TNNI3K: variants seen among roughly 807,000 people sequenced by gnomAD.
TNNI3K encodes serine/threonine-protein kinase TNNI3K.
TNNI3K carries 140 observed loss-of-function variants against 114.5 expected under a neutral mutation model. That is an observed-to-expected ratio of 1.22 (90% CI 1.07 to 1.41). The LOEUF (loss-of-function observed/expected upper bound fraction) is 1.41, where lower values mean the gene tolerates loss of function less well. Ranked by LOEUF, TNNI3K falls within the 40% of genes most tolerant of loss-of-function variation. The pLI is 0.00. For missense variants in TNNI3K, 1,125 were observed against 1,007.6 expected (o/e 1.12, Z -1.58); for synonymous variants, 347 against 347.5 (o/e 1.00, Z 0.02).
At chr1:74,496,396 G>A (rs1043677229) in intron 23 of TNNI3K, among the ~76,000 whole-genome samples, 4 of 152,124 alleles carry the variant, frequency 2.6e-5, no homozygotes, top group Non-Finnish European at 5.9e-5. Flanking sequence ...GAGTTAAAAT[G>A]TAATTTTTTA....
intron 23 of TNNI3K, among the ~76,000 whole-genome samples, chr1:74,507,116 A>G (rs1294275648): frequency 6.6e-6 from 1 of 152,130 alleles, no homozygotes; most frequent in Non-Finnish European, 1.5e-5. Context: ...AGATCCCTGT[A>G]TTATTCATTA....
chr1:74,299,280 T>C (rs887992866), intron 5 of TNNI3K, among the ~76,000 whole-genome samples: 56 of 152,262 alleles, frequency 3.7e-4, no homozygotes, highest in African/African-American at 1.3e-3. Flanking sequence ...TGACAGAACA[T>C]TGAAGTTTAT....
chr1:74,503,055 G>C (rs1669715788), intron 23 of TNNI3K, among the ~76,000 whole-genome samples: 1 of 152,202 alleles, frequency 6.6e-6, no homozygotes, highest in South Asian at 2.1e-4. Context: ...TGTAAAATTA[G>C]GCTCTTCTTT....
intron 4 of TNNI3K, among the ~76,000 whole-genome samples, chr1:74,260,057 T>C (rs576464007): frequency 1.3e-5 from 2 of 152,366 alleles, no homozygotes; most frequent in South Asian, 4.1e-4. Context: ...TAAATATTTT[T>C]TAATTTCTTT....
At chr1:74,531,372 A>G (rs1360434487) in intron 23 of TNNI3K, among the ~76,000 whole-genome samples, 1 of 152,252 alleles carries the variant, frequency 6.6e-6, no homozygotes, top group Admixed American at 6.5e-5. Flanking sequence ...ATGGCCATTC[A>G]TAAGAGTCTG....
intron 17 of TNNI3K, among the ~76,000 whole-genome samples, chr1:74,406,376 G>A (rs1664613013): frequency 6.6e-6 from 1 of 152,028 alleles, no homozygotes; most frequent in Non-Finnish European, 1.5e-5. Context: ...TTTTATATGT[G>A]GCCCAAGACA....
chr1:74,544,160 A>C lies in TNNI3K; in HGVS notation c.*178A>C, dbSNP rs1050117672. 1 of 587,782 alleles carries C rather than the reference A, an allele frequency of 1.7e-6. No homozygotes were observed. The highest frequency in any genetic ancestry group is 2.8e-6 in the Non-Finnish European group (1 of 354,696). 36.4% of individuals were successfully genotyped at this position (587,782 alleles called of 1,614,324 possible). ...TTAGCAGGCTTTGGATTTGTGCCTA[A>C]GGAATAATATGCAAAAGAACCAAGA... On this transcript the variant is annotated 3_prime_UTR_variant, in exon 25 of 25. Coordinates refer to ENST00000326637, the MANE Select transcript of TNNI3K (RefSeq NM_015978.3).
intron 5 of TNNI3K, among the ~76,000 whole-genome samples, chr1:74,329,662 A>G (rs1660095477): frequency 6.6e-6 from 1 of 152,118 alleles, no homozygotes; most frequent in Non-Finnish European, 1.5e-5. Flanking sequence ...TAACTATTTC[A>G]AACTATGAAG....
intron 17 of TNNI3K, among the ~76,000 whole-genome samples, chr1:74,401,038 C>A (rs1212650618): frequency 1.3e-5 from 2 of 152,160 alleles, no homozygotes; most frequent in East Asian, 3.9e-4. Context: ...ATTCAATATT[C>A]ACTTTCTTAC....
chr1:74,444,140 T>C (rs74946099), intron 20 of TNNI3K, among the ~76,000 whole-genome samples: 2,496 of 152,258 alleles, frequency 0.016, 66 homozygotes, highest in African/African-American at 0.056. Flanking sequence ...TTCAACATCG[T>C]GTTGGAAGTT....
At chr1:74,363,205 G>A (rs935217956) in intron 11 of TNNI3K, among the ~76,000 whole-genome samples, 7 of 152,026 alleles carry the variant, frequency 4.6e-5, no homozygotes, top group Non-Finnish European at 1.5e-5. Context: ...GTGGCCAAGT[G>A]TCCAGGAGCT....
At chr1:74,407,044 G>T (rs1369903230) in intron 17 of TNNI3K, among the ~76,000 whole-genome samples, 1 of 152,144 alleles carries the variant, frequency 6.6e-6, no homozygotes, top group East Asian at 1.9e-4. Flanking sequence ...GTCAATTTGA[G>T]CTATTTTTAA....
At chr1:74,240,010 G>A in intron 2 of TNNI3K, 4 of 469,038 alleles carry the variant, frequency 8.5e-6, no homozygotes, top group Non-Finnish European at 1.8e-5. Flanking sequence ...GGAGGAGAAA[G>A]AAAGACAGAA....
chr1:74,242,509 T>G (rs1654301653), intron 2 of TNNI3K, among the ~76,000 whole-genome samples: 1 of 152,152 alleles, frequency 6.6e-6, no homozygotes, highest in Admixed American at 6.5e-5. Context: ...CACTGGAAAC[T>G]TTTCAAGCTG....
At chr1:74,245,703 A>G (rs1654509612) in intron 2 of TNNI3K, among the ~76,000 whole-genome samples, 1 of 152,246 alleles carries the variant, frequency 6.6e-6, no homozygotes, top group Non-Finnish European at 1.5e-5. Context: ...AAAAAGTGCT[A>G]TTCTCCAGGG....
intron 21 of TNNI3K, among the ~76,000 whole-genome samples, chr1:74,482,809 A>ATTTTT (rs1668570907): frequency 6.6e-6 from 1 of 152,234 alleles, no homozygotes; most frequent in Non-Finnish European, 1.5e-5. Context: ...CACCAATAAA[A>ATTTTT]AAAGACCAGA....
At chr1:74,489,136 G>A (rs1050839108) in intron 21 of TNNI3K, 53 bp from the exon 22 acceptor site, 6 of 1,496,294 alleles carry the variant, frequency 4.0e-6, no homozygotes, top group Non-Finnish European at 5.5e-6. Flanking sequence ...CATCCAAAGA[G>A]AGTCTCCTTC....
intron 21 of TNNI3K, chr1:74,480,708 T>C: frequency 1.4e-6 from 1 of 717,442 alleles, no homozygotes; most frequent in African/African-American, 1.7e-5. Context: ...CGGAGAGCAT[T>C]ATTGCTCAGC....
In TNNI3K at chr1:74,369,348, A is replaced by T. The variant is rs763187279; in HGVS notation, c.1473-43A>T. 7 of 1,606,910 alleles carry T rather than the reference A, an allele frequency of 4.4e-6. No individual in the cohort carries two copies. In the Admixed American group the frequency reaches 1.2e-4, roughly 27 times the overall value. Reference sequence around the variant, plus strand: ...TGTGCATGGCAAGCCCCTTGTTTGGATCCATCTGTTTACTGAAGATTTTCT... The same window carrying T: ...TGTGCATGGCAAGCCCCTTGTTTGGTTCCATCTGTTTACTGAAGATTTTCT... On this transcript the variant is annotated intron_variant, in intron 15 of 24. Transcript: ENST00000326637.
Sources: allele counts gnomAD v4.1 joint callset (sites outside exome capture counted in the v4.1 genomes callset), GRCh38; gene constraint gnomAD v4.1.1; transcripts MANE v1.5; gene names NCBI Gene and HGNC (gene_info 2026-07-23, HGNC 2026-07-21).